PPP1R18: variants seen among roughly 807,000 people sequenced by gnomAD.
PPP1R18 encodes protein phosphatase 1 regulatory subunit 18, also known as phostensin.
PPP1R18 carries 31 observed loss-of-function variants against 54.8 expected under a neutral mutation model. The observed-to-expected ratio is 0.57, with a 90% CI of 0.43 to 0.76. The LOEUF (loss-of-function observed/expected upper bound fraction) is 0.76, where lower values mean the gene tolerates loss of function less well. Among genes scored for constraint, PPP1R18 ranks in the 30% least tolerant of loss-of-function variants. PPP1R18 has a pLI of 0.00. For synonymous variants in PPP1R18, 310 were observed against 320.2 expected, an observed-to-expected ratio of 0.97 and a Z score of 0.34; for missense variants, 685 against 776.1, an observed-to-expected ratio of 0.88 and a Z score of 1.39.
chr6:30,679,147 G>A, intron 2 of PPP1R18, 32 bp downstream of exon 2: 4 of 1,581,238 alleles, frequency 2.5e-6, no homozygotes, highest in Non-Finnish European at 3.4e-6. Flanking sequence ...GACAGCAGGG[G>A]GCGCCCTCGG....
chr6:30,679,777 TC>T lies in PPP1R18; in HGVS notation c.1612-389del, dbSNP rs1770433144. Among the ~76,000 whole-genome samples, 4 of 152,222 alleles carry T rather than the reference TC, an allele frequency of 2.6e-5. No homozygotes were observed. The South Asian group carries it at 8.3e-4, about 32-fold the overall frequency. On this transcript the variant is annotated intron_variant, in intron 1 of 2. Coordinates refer to ENST00000274853, the MANE Select transcript of PPP1R18 (RefSeq NM_133471.4). Reference sequence around the variant, plus strand: ...AAATACATGGCGATAAGTCTTGTGATCAGAACCGAGTCTTTGGGCACCTTGG... The same window carrying T: ...AAATACATGGCGATAAGTCTTGTGATAGAACCGAGTCTTTGGGCACCTTGG...
rs1036923686 is a variant in PPP1R18 at position 30,685,735 on chromosome 6, C to G, written c.284G>C (p.Arg95Pro). Residue 95 changes from arginine (R) to proline (P), a missense_variant, in exon 1 of 3, where the codon CGG (arginine) becomes CCG (proline). Physicochemically the swap from Arg to Pro is moderately radical, Grantham distance 103 (BLOSUM62 -2). Transcript: ENST00000274853. The surrounding 1 kb of genome is among the most constrained non-coding windows in gnomAD (Gnocchi z 5.0). ...TTGTTGTTGCTGCTGCTGCTGCTGC[C>G]GCTCCTGCCGGATGAATCGGTTCTG... ...VHQNRFIRQERQQQQQQQQRS... is the reference protein window; with the variant it reads ...VHQNRFIRQEPQQQQQQQQRS... 1 of 1,612,894 alleles carries G rather than the reference C, an allele frequency of 6.2e-7. No homozygotes were observed. The highest frequency in any genetic ancestry group is 8.5e-7 in the Non-Finnish European group (1 of 1,179,986).
chr6:30,678,461 C>CG (rs1172638947), intron 2 of PPP1R18, among the ~76,000 whole-genome samples: 1 of 151,546 alleles, frequency 6.6e-6, no homozygotes, highest in African/African-American at 2.4e-5. Flanking sequence ...CTGCAAGCTC[C>CG]GCCTCCCAGG....
chr6:30,684,760 G>T lies in PPP1R18; in HGVS notation c.1259C>A (p.Ala420Glu). 6.3e-7 allele frequency: 1 copy of T among 1,586,302 alleles called. No homozygotes were observed. Among genetic ancestry groups the T allele is most frequent in the South Asian group, 1.1e-5 (1 of 87,684 alleles). ...TGGTGGTGGGGGCTGGAGCTCCACT[G>T]CTTCCTCTTCCTGCTGTCTCAGGCC... ...TGGLRQQEEE[A>E]VELQPPPPAP... The change falls in exon 1 of 3, where the codon GCA becomes GAA. Residue 420 changes from alanine to glutamate, a missense_variant. By Grantham distance (107) the Ala-to-Glu change is moderately radical. Coordinates refer to ENST00000274853, the MANE Select transcript of PPP1R18 (RefSeq NM_133471.4). This position sits in a 1 kb window ranked among gnomAD's most constrained non-coding sequence, Gnocchi z 6.0.
chr6:30,682,496 G>A (rs1054407253), intron 1 of PPP1R18, among the ~76,000 whole-genome samples: 1 of 152,224 alleles, frequency 6.6e-6, no homozygotes, highest in Non-Finnish European at 1.5e-5. Context: ...GAGCCAGTGT[G>A]TTGCAGCAGA....
chr6:30,679,278 G>A lies in PPP1R18; in HGVS notation c.1723C>T (p.Pro575Ser). The change falls in exon 2 of 3, where the codon CCT becomes TCT. Residue 575 changes from proline (P) to serine (S), a missense_variant. Pro to Ser is a moderately conservative substitution (Grantham distance 74). Coordinates refer to ENST00000274853, the MANE Select transcript of PPP1R18 (RefSeq NM_133471.4). ...TCGTCGTCGGGTTGGGCTGCTGGAGGGTTGGGGGCACTGGGGACCTCAGGC... is the reference window on the plus strand; with the variant it reads ...TCGTCGTCGGGTTGGGCTGCTGGAGAGTTGGGGGCACTGGGGACCTCAGGC... Reference protein sequence around the residue: ...PEPEVPSAPNPPAAQPDDEED... With the variant: ...PEPEVPSAPNSPAAQPDDEED... 2.6e-6 allele frequency: 4 copies of A among 1,558,740 alleles called. No homozygotes were observed. The highest frequency in any genetic ancestry group is 3.5e-6 in the Non-Finnish European group (4 of 1,152,022).
Position 30,684,170 on chromosome 6 carries a change from T to C in PPP1R18, c.1611+238A>G, listed in dbSNP as rs2127612502. 6.6e-6 allele frequency among the ~76,000 whole-genome samples: 1 copy of C among 152,154 alleles called. No homozygotes were observed. Among genetic ancestry groups the C allele is most frequent in the African/African-American group, 2.4e-5 (1 of 41,502 alleles). On this transcript the variant is annotated intron_variant, in intron 1 of 2. Coordinates refer to ENST00000274853, the MANE Select transcript of PPP1R18 (RefSeq NM_133471.4). This position sits in a 1 kb window ranked among gnomAD's most constrained non-coding sequence, Gnocchi z 6.0. ...GGAGAATGAGCAGCCTGGCACACCCTGAAAGAGACACACCCAGAGACAGCC... is the reference window on the plus strand; with the variant it reads ...GGAGAATGAGCAGCCTGGCACACCCCGAAAGAGACACACCCAGAGACAGCC...
rs2127606284 is a variant in PPP1R18 at position 30,679,333 on chromosome 6, C to T, written c.1668G>A (p.Glu556=). ...ALETTYQYPS[E]SSVLEELGPE... is the part of the protein sequence containing the mutation. Reference sequence around the variant, plus strand: ...GGCCCAGCTCCTCCAGTACCGAACTCTCGGAGGGGTATTGGTACGTGGTCT... The same window carrying T: ...GGCCCAGCTCCTCCAGTACCGAACTTTCGGAGGGGTATTGGTACGTGGTCT... The change falls in exon 2 of 3, where the codon GAG becomes GAA. Residue 556 remains glutamate (E), a synonymous_variant. Coordinates refer to ENST00000274853, the MANE Select transcript of PPP1R18 (RefSeq NM_133471.4). The T allele has an allele frequency of 1.9e-6, 3 of 1,558,084 alleles. No individual in the cohort carries two copies. Among genetic ancestry groups the T allele is most frequent in the Non-Finnish European group, 2.6e-6 (3 of 1,151,952 alleles).
chr6:30,684,944 G>T lies in PPP1R18; in HGVS notation c.1075C>A (p.Pro359Thr), dbSNP rs779966877. The stretch of plus-strand genomic sequence containing the variant: ...TCCAGAAGCTTCTCTGCTGACTCTG[G>T]AGGTTCTGGTTTCTGAGTTTGAGCC... Reference protein sequence around the residue: ...IEAQTQKPEPPESAEKLLESP... With the variant: ...IEAQTQKPEPTESAEKLLESP... Residue 359 changes from proline to threonine, a missense_variant, in exon 1 of 3, where the codon CCA becomes ACA. Coordinates refer to ENST00000274853, the MANE Select transcript of PPP1R18 (RefSeq NM_133471.4). The surrounding 1 kb of genome is among the most constrained non-coding windows in gnomAD (Gnocchi z 6.0). The T allele has an allele frequency of 1.2e-6, 2 of 1,612,936 alleles. No individual in the cohort carries two copies. Among genetic ancestry groups the T allele is most frequent in the South Asian group, 1.1e-5 (1 of 91,086 alleles).
chr6:30,685,693 A>G lies in PPP1R18; in HGVS notation c.326T>C (p.Leu109Pro), dbSNP rs1770871523. ...QQQQQRSEEL[L>P]AERKPGPLEA... ...CAGAGGCCCAGGCTTTCTCTCTGCTAGCAGCTCTTCACTCCGTTGTTGTTG... is the reference window on the plus strand; with the variant it reads ...CAGAGGCCCAGGCTTTCTCTCTGCTGGCAGCTCTTCACTCCGTTGTTGTTG... The change falls in exon 1 of 3, where the codon CTA (leucine) becomes CCA (proline). Residue 109 changes from leucine to proline, a missense_variant. Transcript: ENST00000274853. The surrounding 1 kb of genome is among the most constrained non-coding windows in gnomAD (Gnocchi z 5.0). 1 of 1,612,908 alleles carries G rather than the reference A, an allele frequency of 6.2e-7. No homozygotes were observed. Among genetic ancestry groups the G allele is most frequent in the African/African-American group, 1.3e-5 (1 of 74,922 alleles).
chr6:30,679,639 A>G (rs576825334), intron 1 of PPP1R18, among the ~76,000 whole-genome samples: 18 of 152,142 alleles, frequency 1.2e-4, no homozygotes, highest in Non-Finnish European at 2.2e-4. Flanking sequence ...TCATTTCAAA[A>G]CATCAGACTT....
intron 1 of PPP1R18, among the ~76,000 whole-genome samples, chr6:30,680,381 T>C (rs918969128): frequency 2.0e-5 from 3 of 152,182 alleles, no homozygotes; most frequent in African/African-American, 7.2e-5. Context: ...TATGAACTAC[T>C]TGGAAAGGTC....
At chr6:30,679,466 G>C (rs1190660899) in intron 1 of PPP1R18, 77 bp from the exon 2 acceptor site, 1 of 794,734 alleles carries the variant, frequency 1.3e-6, no homozygotes, top group Non-Finnish European at 1.9e-6. Flanking sequence ...GAGAGAAAGC[G>C]GGGGCGGGGG....
chr6:30,684,292 TAAC>T lies in PPP1R18; in HGVS notation c.1611+113_1611+115del. 1 of 1,065,696 alleles carries T rather than the reference TAAC, an allele frequency of 9.4e-7. No homozygotes were observed. Among genetic ancestry groups the T allele is most frequent in the African/African-American group, 1.6e-5 (1 of 61,446 alleles). The allele number at this position is 1,065,696 out of a possible 1,614,324, so 66.0% of individuals were successfully genotyped here. On this transcript the variant is annotated intron_variant, in intron 1 of 2. Transcript: ENST00000274853. The surrounding 1 kb of genome is among the most constrained non-coding windows in gnomAD (Gnocchi z 6.0). ...AGCGAGGAAGGGTGGTGGCAGGAATTAACAAGAAAGAATAGAGGAAGACAAGAA... is the reference window on the plus strand; with the variant it reads ...AGCGAGGAAGGGTGGTGGCAGGAATTAAGAAAGAATAGAGGAAGACAAGAA...
At chr6:30,688,388 G>C, upstream of PPP1R18, 1 of 546,090 alleles carries the variant, frequency 1.8e-6, no homozygotes, top group Middle Eastern at 4.8e-4. This position sits in a 1 kb window ranked among gnomAD's most constrained non-coding sequence, Gnocchi z 5.9. Context: ...CTGTTGAGGG[G>C]GAGAGTGTCA....
chr6:30,679,918 G>A (rs1484916178), intron 1 of PPP1R18, among the ~76,000 whole-genome samples: 1 of 152,050 alleles, frequency 6.6e-6, no homozygotes, highest in African/African-American at 2.4e-5. Flanking sequence ...GCCCCTTGCT[G>A]TCCTATGCAA....
At position 30,685,475 on chromosome 6, in the gene PPP1R18, T is replaced by A. The variant is rs367699964; in HGVS notation, c.544A>T (p.Arg182Trp). Residue 182 changes from arginine to tryptophan, a missense_variant, in exon 1 of 3, where the codon AGG becomes TGG. By Grantham distance (101) the Arg-to-Trp change is moderately radical. Transcript: ENST00000274853. The surrounding 1 kb of genome is among the most constrained non-coding windows in gnomAD (Gnocchi z 5.0). ...CATGCCTCTGACAGTCGGGAGCTCC[T>A]GTCTCCCACCTCTCCTGGGCTTTGC... ...WRQSPGEVGD[R>W]SSRLSEAWKW... 2 of 1,612,872 alleles carry A rather than the reference T, an allele frequency of 1.2e-6. No homozygotes were observed. The highest frequency in any genetic ancestry group is 8.5e-7 in the Non-Finnish European group (1 of 1,179,986).
chr6:30,681,068 G>C (rs1383021485), intron 1 of PPP1R18, among the ~76,000 whole-genome samples: 1 of 142,648 alleles, frequency 7.0e-6, no homozygotes, highest in Non-Finnish European at 1.5e-5. Flanking sequence ...TTGGGCAACA[G>C]AGCAAGACTC....
chr6:30,686,062 A>C lies in PPP1R18; in HGVS notation c.-44T>G. Reference sequence around the variant, plus strand: ...GTAGGGAGCACTGGGGACAGAGAACAGGAAGGAGAGGCTCCAGAGAGTGAG... The same window carrying C: ...GTAGGGAGCACTGGGGACAGAGAACCGGAAGGAGAGGCTCCAGAGAGTGAG... On this transcript the variant is annotated 5_prime_UTR_variant, in exon 1 of 3. Transcript: ENST00000274853. The C allele has an allele frequency of 6.6e-7, 1 of 1,508,142 alleles. No individual in the cohort carries two copies. The highest frequency in any genetic ancestry group is 2.2e-5 in the Admixed American group (1 of 46,174). The allele number at this position is 1,508,142 out of a possible 1,614,324, so 93.4% of individuals were successfully genotyped here. A position where few individuals can be genotyped will look rare whatever the true frequency, so the allele number is the denominator to read the frequency against.
Sources: gnomAD v4.1 joint callset for allele counts (sites outside exome capture counted in the v4.1 genomes callset) on GRCh38, gnomAD v4.1.1 for gene constraint, Gnocchi (gnomAD v3.1) non-coding constraint, MANE v1.5 for transcripts, NCBI Gene and HGNC (gene_info 2026-07-23, HGNC 2026-07-21) for gene names.